The following VPS35L variants were observed in gnomAD, a reference collection of about 807,000 sequenced individuals.
VPS35L encodes VPS35 endosomal protein sorting factor like, also known as VPS35 endosomal protein-sorting factor-like.
Under a neutral mutation model 133.0 loss-of-function variants are expected in VPS35L, and 83 were observed. The observed-to-expected ratio is 0.62, with a 90% CI of 0.52 to 0.75. The LOEUF (loss-of-function observed/expected upper bound fraction) is 0.75, where lower values mean the gene tolerates loss of function less well. Among genes scored for constraint, VPS35L ranks in the 30% least tolerant of loss-of-function variants. The pLI is 0.00. For synonymous variants in VPS35L, 423 were observed against 449.9 expected, an observed-to-expected ratio of 0.94 and a Z score of 0.76; for missense variants, 1,083 against 1,206.8, an observed-to-expected ratio of 0.90 and a Z score of 1.52.
chr16:19,588,641 A>G (rs1021022916), intron 7 of VPS35L, among the ~76,000 whole-genome samples: 23 of 152,260 alleles, frequency 1.5e-4, no homozygotes, highest in African/African-American at 5.1e-4. Flanking sequence ...TCTGACAGGT[A>G]TTGCATTGAG....
At chr16:19,696,136 A>G (rs991077772) in intron 29 of VPS35L, among the ~76,000 whole-genome samples, 7 of 152,190 alleles carry the variant, frequency 4.6e-5, no homozygotes, top group Non-Finnish European at 5.9e-5. Flanking sequence ...CGCCCGCCTC[A>G]GCTTCCCAAA....
chr16:19,683,875 A>G (rs1275388805), intron 28 of VPS35L, among the ~76,000 whole-genome samples: 1 of 152,244 alleles, frequency 6.6e-6, no homozygotes, highest in African/African-American at 2.4e-5. Context: ...AGAAATCTCC[A>G]AAACTGCTTT....
chr16:19,693,094 C>G (rs113813453), intron 29 of VPS35L, among the ~76,000 whole-genome samples: 2,571 of 152,286 alleles, frequency 0.017, 71 homozygotes, highest in African/African-American at 0.057. Flanking sequence ...CTGGGGACCC[C>G]GAGCTGCAGT....
chr16:19,606,450 G>T (rs542855612), intron 9 of VPS35L, among the ~76,000 whole-genome samples: 31 of 151,684 alleles, frequency 2.0e-4, no homozygotes, highest in African/African-American at 6.3e-4. Flanking sequence ...AGGGGAAAAT[G>T]GTCATTTCCC....
intron 26 of VPS35L, among the ~76,000 whole-genome samples, chr16:19,659,064 A>G (rs1974398219): frequency 6.6e-6 from 1 of 152,160 alleles, no homozygotes; most frequent in Non-Finnish European, 1.5e-5. Flanking sequence ...TTGTATTTCT[A>G]ATCCCAAGTG....
chr16:19,659,921 G>A (rs1361004176), intron 26 of VPS35L, among the ~76,000 whole-genome samples: 2 of 152,164 alleles, frequency 1.3e-5, no homozygotes, highest in Non-Finnish European at 2.9e-5. Context: ...TTTGCAATGG[G>A]GTTTGTATAC....
chr16:19,688,232 G>A (rs762821766), intron 28 of VPS35L, among the ~76,000 whole-genome samples: 22 of 151,970 alleles, frequency 1.4e-4, no homozygotes, highest in Non-Finnish European at 1.6e-4. Flanking sequence ...TGGCCATCTC[G>A]TGCTGTTTGT....
chr16:19,598,940 C>T (rs979650081), intron 8 of VPS35L, among the ~76,000 whole-genome samples: 11 of 152,070 alleles, frequency 7.2e-5, no homozygotes, highest in Non-Finnish European at 1.3e-4. Flanking sequence ...TATGCAGCCA[C>T]CTAGTGTGGT....
rs753940365 is a variant in VPS35L, at chr16:19,700,676, A to G, written c.*200A>G. 51 of 557,026 alleles carry G rather than the reference A, an allele frequency of 9.2e-5. No individual in the cohort carries two copies. Among genetic ancestry groups the G allele is most frequent in the African/African-American group, 2.1e-4 (11 of 53,378 alleles). The allele number at this position is 557,026 out of a possible 1,614,324, so 34.5% of individuals were successfully genotyped here. On this transcript the variant is annotated 3_prime_UTR_variant, in exon 31 of 31. Coordinates refer to ENST00000417362, the MANE Select transcript of VPS35L (RefSeq NM_020314.7). ...GGAGTTGTCAGAGCATTAAAATGCA[A>G]TCTTCACTAAGAAGCAGTCTCTGTG...
chr16:19,603,619 G>A (rs1182205284), intron 9 of VPS35L, among the ~76,000 whole-genome samples: 2 of 152,108 alleles, frequency 1.3e-5, no homozygotes, highest in East Asian at 3.9e-4. Flanking sequence ...CCTATGTTCT[G>A]GCCATCTCAG....
chr16:19,654,668 G>T (rs1974243933), intron 26 of VPS35L, among the ~76,000 whole-genome samples: 1 of 152,076 alleles, frequency 6.6e-6, no homozygotes, highest in Non-Finnish European at 1.5e-5. Flanking sequence ...TTGGATATTA[G>T]AAATTTTAAA....
intron 7 of VPS35L, among the ~76,000 whole-genome samples, chr16:19,590,393 T>A (rs1455551685): frequency 2.6e-5 from 4 of 152,184 alleles, no homozygotes; most frequent in South Asian, 2.1e-4. Context: ...ATCTTTTTTT[T>A]AATTTTTAAA....
chr16:19,590,036 A>G (rs1971990587), intron 7 of VPS35L, among the ~76,000 whole-genome samples: 1 of 151,898 alleles, frequency 6.6e-6, no homozygotes, highest in South Asian at 2.1e-4. Context: ...CAAAGGGCAT[A>G]TGAAAATCGC....
At chr16:19,647,990 G>T (rs1337205026) in intron 24 of VPS35L, 108 bp downstream of exon 24, 2 of 1,041,924 alleles carry the variant, frequency 1.9e-6, no homozygotes, top group Non-Finnish European at 2.9e-6. Flanking sequence ...GTCTCACTCT[G>T]TCACCCAGGC....
chr16:19,569,113 T>C (rs1448275067), intron 2 of VPS35L: 1 of 516,442 alleles, frequency 1.9e-6, no homozygotes, highest in Admixed American at 2.5e-5. Flanking sequence ...ATTTTGCTAC[T>C]TATATTGAGT....
intron 22 of VPS35L, among the ~76,000 whole-genome samples, 154 bp downstream of exon 22, chr16:19,642,630 G>A (rs904318074): frequency 2.6e-5 from 4 of 152,204 alleles, no homozygotes; most frequent in African/African-American, 9.7e-5. Flanking sequence ...TCCAATCCAG[G>A]AGAGGAAGGA....
intron 24 of VPS35L, among the ~76,000 whole-genome samples, chr16:19,648,894 A>AG (rs1567454304): frequency 6.9e-6 from 1 of 144,772 alleles, no homozygotes; most frequent in African/African-American, 2.6e-5. Flanking sequence ...AAAAAAAAAA[A>AG]AAGTTAGGTT....
At chr16:19,690,084 ATTTGGAG>A (rs1975614301) in intron 28 of VPS35L, among the ~76,000 whole-genome samples, 1 of 151,820 alleles carries the variant, frequency 6.6e-6, no homozygotes, top group Non-Finnish European at 1.5e-5. Context: ...AGCTAATTTT[ATTTGGAG>A]AGATGGGGTT....
In VPS35L at chr16:19,629,821, G is replaced by A; in HGVS notation, c.1554+1G>A. The A allele has an allele frequency of 4.3e-6, 7 of 1,612,998 alleles. No individual in the cohort carries two copies. Among genetic ancestry groups the A allele is most frequent in the Non-Finnish European group, 5.9e-6 (7 of 1,179,022 alleles). On this transcript the variant is annotated splice_donor_variant, in intron 18 of 30. Transcript: ENST00000417362. LOFTEE classifies it high-confidence loss of function. ...GGAATACACCTGCAAGCATTTCACG[G>A]TATGTGTGACTGTGGTATTGTTTTT...
Sources: gnomAD v4.1 joint callset for allele counts (sites outside exome capture counted in the v4.1 genomes callset) on GRCh38, gnomAD v4.1.1 for gene constraint, MANE v1.5 for transcripts, NCBI Gene and HGNC (gene_info 2026-07-23, HGNC 2026-07-21) for gene names.